The following C14orf93 variants were observed in gnomAD, a reference collection of about 807,000 sequenced individuals.
C14orf93 encodes the protein chromosome 14 open reading frame 93, also known as uncharacterized protein C14orf93.
C14orf93 carries 23 observed loss-of-function variants against 44.0 expected under a neutral mutation model. That is an observed-to-expected ratio of 0.52 (90% confidence interval 0.38 to 0.74). C14orf93 has a LOEUF of 0.74. Among genes scored for constraint, C14orf93 ranks in the 30% least tolerant of loss-of-function variants. C14orf93 has a pLI of 0.00. For synonymous variants in C14orf93, 253 were observed against 265.7 expected (o/e 0.95, Z 0.46); for missense variants, 579 against 678.9 (o/e 0.85, Z 1.64).
At position 22,987,269 on chromosome 14, in the gene C14orf93, G is replaced by A. The variant is rs2045274591; in HGVS notation, c.1563C>T (p.Thr521=). The A allele has an allele frequency of 6.2e-7, 1 of 1,614,232 alleles. No homozygotes were observed. The highest frequency in any genetic ancestry group is 8.5e-7 in the Non-Finnish European group (1 of 1,180,040). Residue 521 remains threonine (T), a synonymous_variant, in exon 7 of 7, where the codon ACC becomes ACT. Transcript: ENST00000299088. The surrounding 1 kb of genome is among the most constrained non-coding windows in gnomAD (Gnocchi z 5.6). ...GSPSFDQPHK[T]CCPDLNSFIE... ...TGAATGAGTTCAAGTCAGGACAGCA[G>A]GTTTTGTGGGGTTGGTCAAAAGATG...
intron 4 of C14orf93, 71 bp downstream of exon 4, chr14:22,989,995 G>T: frequency 6.8e-7 from 1 of 1,473,472 alleles, no homozygotes; most frequent in Non-Finnish European, 9.5e-7. Flanking sequence ...TTGCTGTATT[G>T]GAGCATCCCC....
intron 1 of C14orf93, among the ~76,000 whole-genome samples, chr14:23,008,253 G>T (rs935776675): frequency 1.3e-5 from 2 of 150,080 alleles, no homozygotes; most frequent in Non-Finnish European, 3.0e-5. Context: ...GTCTGAAATT[G>T]TGGAATAATC....
At chr14:23,000,774 T>G (rs2046252442) in intron 1 of C14orf93, among the ~76,000 whole-genome samples, 1 of 149,070 alleles carries the variant, frequency 6.7e-6, no homozygotes, top group African/African-American at 2.5e-5. Flanking sequence ...ATATTGAGGG[T>G]TTTCTTTTTT....
At chr14:23,000,453 C>T (rs2046230618) in intron 1 of C14orf93, among the ~76,000 whole-genome samples, 1 of 152,036 alleles carries the variant, frequency 6.6e-6, no homozygotes, top group Non-Finnish European at 1.5e-5. Flanking sequence ...TGGTGGCTCA[C>T]GCTTGTAATC....
At position 22,990,132 on chromosome 14, in the gene C14orf93, G is replaced by A. The variant is rs188469270; in HGVS notation, c.919-5C>T. ...ATGCACATTGTGGACCAGTTTCTAGGAGGAAAAAAAGAAAACACAATCAAG... is the reference window on the plus strand; with the variant it reads ...ATGCACATTGTGGACCAGTTTCTAGAAGGAAAAAAAGAAAACACAATCAAG... On this transcript the variant is annotated splice_region_variant and splice_polypyrimidine_tract_variant and intron_variant, in intron 3 of 6. Transcript: ENST00000299088. 3.7e-3 allele frequency: 5,957 copies of A among 1,611,082 alleles called. 21 individuals are homozygous for A. Among genetic ancestry groups the A allele is most frequent in the Non-Finnish European group, 4.4e-3 (5,224 of 1,178,326 alleles).
Position 22,987,982 on chromosome 14 carries a change from C to T in C14orf93, c.1118G>A (p.Arg373His), listed in dbSNP as rs758103437. ...ACVAYFLTKR[R>H]EYRNSLNPFK... ...GGGGTTCAGGGAGTTGCGGTACTCA[C>T]GCCTCTTAGTAAGGAAGTAGGCCAC... Residue 373 changes from arginine to histidine, a missense_variant, in exon 6 of 7, where the codon CGT becomes CAT. Physicochemically the swap from Arg to His is conservative, Grantham distance 29. Transcript: ENST00000299088. This position sits in a 1 kb window ranked among gnomAD's most constrained non-coding sequence, Gnocchi z 5.6. The T allele has an allele frequency of 9.3e-6, 15 of 1,613,614 alleles. No individual in the cohort carries two copies. The Admixed American group carries it at 1.0e-4, about 11-fold the overall frequency.
rs1256496366 is a variant in C14orf93, at chr14:22,986,222, T to G, written c.*993A>C. The G allele has an allele frequency of 6.6e-6, 1 of 152,016 alleles. No individual in the cohort carries two copies. The highest frequency in any genetic ancestry group is 2.4e-5 in the African/African-American group (1 of 41,374). The allele number at this position is 152,016 out of a possible 1,614,324, so 9.4% of individuals were successfully genotyped here. A position where few individuals can be genotyped will look rare whatever the true frequency, so the allele number is the denominator to read the frequency against. ...AAGAAGCCTTTCCAGACTGCAAGAGTAGGTTAGCTACCCCTGCTGTATATT... is the reference window on the plus strand; with the variant it reads ...AAGAAGCCTTTCCAGACTGCAAGAGGAGGTTAGCTACCCCTGCTGTATATT... On this transcript the variant is annotated 3_prime_UTR_variant, in exon 7 of 7. Transcript: ENST00000299088.
rs2045964932 is a variant in C14orf93 at position 22,996,206 on chromosome 14, G to C, written c.660C>G (p.Ala220=). 1 of 1,610,180 alleles carries C rather than the reference G, an allele frequency of 6.2e-7. No homozygotes were observed. The highest frequency in any genetic ancestry group is 8.5e-7 in the Non-Finnish European group (1 of 1,177,412). Residue 220 remains alanine, a synonymous_variant, in exon 3 of 7, where the codon GCC becomes GCG. Transcript: ENST00000299088. This position sits in a 1 kb window ranked among gnomAD's most constrained non-coding sequence, Gnocchi z 4.1. ...AVQRVLVPAY[A]KQLSPATQLA... ...GTTGTGTGGCTGGTGAGAGTTGCTT[G>C]GCATAAGCAGGGACCAGAACTCGCT...
In C14orf93 at chr14:22,986,913, G is replaced by A. The variant is rs2045254847; in HGVS notation, c.*302C>T. The A allele has an allele frequency of 2.5e-6, 1 of 397,824 alleles. No individual in the cohort carries two copies. The highest frequency in any genetic ancestry group is 4.4e-5 in the Admixed American group (1 of 22,824). 24.6% of individuals were successfully genotyped at this position (397,824 alleles called of 1,614,324 possible). The stretch of plus-strand genomic sequence containing the variant: ...CAGAGACAGGGCATATGTCAAGAAG[G>A]CCTCATGTTTCTTGGACCCATCCTC... On this transcript the variant is annotated 3_prime_UTR_variant, in exon 7 of 7. Coordinates refer to ENST00000299088, the MANE Select transcript of C14orf93 (RefSeq NM_021944.4).
At chr14:22,990,802 ACTTTTTTTTCTTTCCTTTT>A (rs1484645775) in intron 3 of C14orf93, among the ~76,000 whole-genome samples, 2 of 143,942 alleles carry the variant, frequency 1.4e-5, no homozygotes, top group African/African-American at 2.6e-5. Flanking sequence ...CTTCTCTTGC[ACTTTTTTTTCTTTCCTTTT>A]CTTTTTTTTT....
chr14:23,000,475 G>A (rs2046231416), intron 1 of C14orf93, among the ~76,000 whole-genome samples: 1 of 152,134 alleles, frequency 6.6e-6, no homozygotes, highest in South Asian at 2.1e-4. Flanking sequence ...CAGCACTGTG[G>A]AAGGCTGAGG....
Position 22,986,868 on chromosome 14 carries a change from G to A in C14orf93, c.*347C>T, listed in dbSNP as rs1293748225. The stretch of plus-strand genomic sequence containing the variant: ...CTTCCTCAGAGCTTTGGGTGGAACT[G>A]GGCAGGGGCAGAAACAACTCAGAGA... On this transcript the variant is annotated 3_prime_UTR_variant, in exon 7 of 7. Coordinates refer to ENST00000299088, the MANE Select transcript of C14orf93 (RefSeq NM_021944.4). 3.4e-6 allele frequency: 1 copy of A among 290,706 alleles called. No individual in the cohort carries two copies. The highest frequency in any genetic ancestry group is 2.2e-5 in the African/African-American group (1 of 45,796). The allele number at this position is 290,706 out of a possible 1,614,324, so 18.0% of individuals were successfully genotyped here.
At chr14:22,990,237 T>C (rs2045516607) in intron 3 of C14orf93, 110 bp from the exon 4 acceptor site, 3 of 888,930 alleles carry the variant, frequency 3.4e-6, no homozygotes, top group Admixed American at 5.1e-5. Context: ...TCTGCCTGAA[T>C]CCTTTCTAAG....
At chr14:22,993,871 C>T (rs1051630704) in intron 3 of C14orf93, 1 of 152,244 alleles carries the variant, frequency 6.6e-6, no homozygotes, top group African/African-American at 2.4e-5. Flanking sequence ...TTGATTCTGT[C>T]CCAGAGCTAA....
intron 1 of C14orf93, among the ~76,000 whole-genome samples, chr14:23,004,785 G>C (rs1408389891): frequency 6.6e-6 from 1 of 152,048 alleles, no homozygotes; most frequent in African/African-American, 2.4e-5. Context: ...GGGTGTGGTG[G>C]CACATGCCTG....
At chr14:22,989,514 CCCTTT>C (rs1475109449) in intron 5 of C14orf93, among the ~76,000 whole-genome samples, 1 of 152,192 alleles carries the variant, frequency 6.6e-6, no homozygotes, top group Non-Finnish European at 1.5e-5. Context: ...GCTGTTCTAG[CCCTTT>C]CCTTCTCTCA....
Position 22,987,173 on chromosome 14 carries a change from AT to A in C14orf93, c.*41del. 6.5e-7 allele frequency: 1 copy of A among 1,543,696 alleles called. No homozygotes were observed. Among genetic ancestry groups the A allele is most frequent in the South Asian group, 1.2e-5 (1 of 82,008 alleles). ...CCCCATGGCCACCTATTTCTGAGAC[AT>A]GGGGCATGGCGGAAGCCAGAGTTAT... On this transcript the variant is annotated 3_prime_UTR_variant, in exon 7 of 7. Transcript: ENST00000299088. This position sits in a 1 kb window ranked among gnomAD's most constrained non-coding sequence, Gnocchi z 5.6.
At chr14:23,000,559 T>C (rs1458601432) in intron 1 of C14orf93, among the ~76,000 whole-genome samples, 1 of 151,734 alleles carries the variant, frequency 6.6e-6, no homozygotes, top group Non-Finnish European at 1.5e-5. Flanking sequence ...CTACTAAAAA[T>C]ACAAAAATTA....
rs1265747606 is a variant in C14orf93 at position 22,996,020 on chromosome 14, C to T, written c.846G>A (p.Leu282=). 1 of 1,611,336 alleles carries T rather than the reference C, an allele frequency of 6.2e-7. No homozygotes were observed. The highest frequency in any genetic ancestry group is 1.3e-5 in the African/African-American group (1 of 74,850). The change falls in exon 3 of 7, where the codon CTG becomes CTA. Residue 282 remains leucine (L), a synonymous_variant. Coordinates refer to ENST00000299088, the MANE Select transcript of C14orf93 (RefSeq NM_021944.4). This position sits in a 1 kb window ranked among gnomAD's most constrained non-coding sequence, Gnocchi z 4.1. ...STGELRHSLG[L]TVSPCRTRGS... ...CTCTGGTCCTGCATGGGGAAACGGT[C>T]AGCCCTAGAGAGTGTCTCAGCTCCC...
Sources: allele counts gnomAD v4.1 joint callset (sites outside exome capture counted in the v4.1 genomes callset), GRCh38; gene constraint gnomAD v4.1.1; non-coding constraint Gnocchi (gnomAD v3.1); transcripts MANE v1.5; gene names NCBI Gene and HGNC (gene_info 2026-07-23, HGNC 2026-07-21).